The following KCNIP4 variants were observed in gnomAD, a reference collection of about 807,000 sequenced individuals.
KCNIP4 encodes the protein potassium voltage-gated channel interacting protein 4.
Under a neutral mutation model 34.0 loss-of-function variants are expected in KCNIP4, and 12 were observed. That is an observed-to-expected ratio of 0.35 (90% confidence interval 0.23 to 0.57). The LOEUF (loss-of-function observed/expected upper bound fraction) is 0.57. KCNIP4 is among the 20% of genes least tolerant of loss of function. The pLI is 0.83. For missense variants in KCNIP4, 238 were observed against 311.7 expected, an observed-to-expected ratio of 0.76 and a Z score of 1.78; for synonymous variants, 124 against 102.2, an observed-to-expected ratio of 1.21 and a Z score of -1.29.
intron 1 of KCNIP4, among the ~76,000 whole-genome samples, chr4:21,455,706 C>CT (rs200338093): frequency 2.0e-5 from 3 of 147,618 alleles, no homozygotes; most frequent in Non-Finnish European, 4.5e-5. Flanking sequence ...CTACAACACC[C>CT]TTTTTTTTCT....
intron 1 of KCNIP4, among the ~76,000 whole-genome samples, chr4:21,482,184 T>C (rs1407967286): frequency 1.3e-5 from 2 of 152,074 alleles, no homozygotes; most frequent in Non-Finnish European, 2.9e-5. Context: ...CTCCATCCCT[T>C]TATTTTGAGC....
chr4:21,458,614 A>G (rs1238460170), intron 1 of KCNIP4, among the ~76,000 whole-genome samples: 3 of 152,056 alleles, frequency 2.0e-5, no homozygotes, highest in African/African-American at 7.2e-5. Context: ...TCACACAGCC[A>G]TGATGACAGG....
In KCNIP4 at chr4:21,389,527, C is replaced by T. The variant is rs1357147196; in HGVS notation, c.62-506818G>A. The stretch of plus-strand genomic sequence containing the variant: ...TCCAAGTGTTCTTATTGTTCAATTC[C>T]CACCTATGAGTGAGAACATGCGGTG... On this transcript the variant is annotated intron_variant, in intron 1 of 8. Coordinates refer to ENST00000382152, the MANE Select transcript of KCNIP4 (RefSeq NM_025221.6). Among the ~76,000 whole-genome samples, 6 of 143,678 alleles carry T rather than the reference C, an allele frequency of 4.2e-5. No homozygotes were observed. In the South Asian group the frequency reaches 1.1e-3, roughly 27 times the overall value. The allele number at this position is 143,678 out of a possible 152,430, so 94.3% of individuals were successfully genotyped here.
At chr4:21,128,150 A>T (rs1402182181) in intron 1 of KCNIP4, among the ~76,000 whole-genome samples, 1 of 152,198 alleles carries the variant, frequency 6.6e-6, no homozygotes, top group Admixed American at 6.5e-5. Context: ...ATTACAAAGA[A>T]TTGCAAGGAG....
intron 1 of KCNIP4, among the ~76,000 whole-genome samples, chr4:21,295,331 G>A (rs1184189824): frequency 6.6e-6 from 1 of 152,162 alleles, no homozygotes; most frequent in African/African-American, 2.4e-5. Flanking sequence ...CTTGGAGTAG[G>A]CAGCTATGGT....
intron 1 of KCNIP4, among the ~76,000 whole-genome samples, chr4:21,795,741 A>T (rs1257582652): frequency 6.6e-6 from 1 of 152,142 alleles, no homozygotes; most frequent in Non-Finnish European, 1.5e-5. Context: ...GTAAATCTGC[A>T]ACTGAAACAC....
chr4:20,819,385 G>T (rs1716824645), intron 3 of KCNIP4, among the ~76,000 whole-genome samples: 1 of 152,250 alleles, frequency 6.6e-6, no homozygotes, highest in East Asian at 1.9e-4. Flanking sequence ...ATAGGGAAAT[G>T]AATAAAACAA....
At chr4:21,854,219 C>A (rs1359059014) in intron 1 of KCNIP4, among the ~76,000 whole-genome samples, 3 of 152,152 alleles carry the variant, frequency 2.0e-5, no homozygotes, top group Non-Finnish European at 4.4e-5. Context: ...AAGGGACAGA[C>A]ATAACTGCTC....
intron 1 of KCNIP4, among the ~76,000 whole-genome samples, chr4:21,065,765 T>G (rs1368647): frequency 8.7e-6 from 1 of 114,832 alleles, no homozygotes. Context: ...TATATATATA[T>G]AACTCAATTT....
intron 1 of KCNIP4, among the ~76,000 whole-genome samples, chr4:21,701,428 A>G (rs1012753497): frequency 6.6e-6 from 1 of 152,160 alleles, no homozygotes; most frequent in Admixed American, 6.5e-5. Context: ...ACAGAAAGAT[A>G]AGTAGGTGAG....
chr4:21,045,049 T>C (rs898914370), intron 1 of KCNIP4, among the ~76,000 whole-genome samples: 1 of 152,252 alleles, frequency 6.6e-6, no homozygotes, highest in Non-Finnish European at 1.5e-5. Context: ...AAGAGATGCA[T>C]GCATTCTCCA....
intron 1 of KCNIP4, among the ~76,000 whole-genome samples, chr4:21,475,991 T>C (rs570691319): frequency 6.6e-6 from 1 of 152,152 alleles, no homozygotes; most frequent in Non-Finnish European, 1.5e-5. Context: ...ACTAGTTTTC[T>C]ACAAAAGAAA....
At chr4:21,499,498 T>C (rs1185759078) in intron 1 of KCNIP4, among the ~76,000 whole-genome samples, 1 of 152,080 alleles carries the variant, frequency 6.6e-6, no homozygotes, top group East Asian at 1.9e-4. Flanking sequence ...AATGATAGCA[T>C]AAATGCTGAT....
intron 1 of KCNIP4, among the ~76,000 whole-genome samples, chr4:21,800,610 T>G (rs193162189): frequency 6.6e-6 from 1 of 152,284 alleles, no homozygotes; most frequent in East Asian, 1.9e-4. Flanking sequence ...TCCCCAATCA[T>G]GTACATTTTC....
intron 1 of KCNIP4, among the ~76,000 whole-genome samples, chr4:21,916,287 TATTAAA>T (rs1440443991): frequency 7.9e-5 from 12 of 152,364 alleles, no homozygotes; most frequent in African/African-American, 2.9e-4. Flanking sequence ...CTTATCTAGT[TATTAAA>T]ATTAAATCTC....
chr4:21,185,470 T>G (rs79434912), intron 1 of KCNIP4, among the ~76,000 whole-genome samples: 1 of 151,820 alleles, frequency 6.6e-6, no homozygotes, highest in Non-Finnish European at 1.5e-5. Flanking sequence ...CTTCTTCTTC[T>G]TCCTCCTCCT....
chr4:20,936,898 G>A (rs568989810), intron 1 of KCNIP4, among the ~76,000 whole-genome samples: 5 of 152,252 alleles, frequency 3.3e-5, no homozygotes, highest in South Asian at 2.1e-4. Context: ...GTTACTCTGC[G>A]CATCTGCCCT....
At chr4:20,790,392 T>C (rs749778283) in intron 3 of KCNIP4, among the ~76,000 whole-genome samples, 6 of 152,166 alleles carry the variant, frequency 3.9e-5, no homozygotes, top group Non-Finnish European at 5.9e-5. Flanking sequence ...ATATATATCT[T>C]CAATAACAAA....
At chr4:21,587,841 T>G (rs1741765350) in intron 1 of KCNIP4, among the ~76,000 whole-genome samples, 1 of 152,046 alleles carries the variant, frequency 6.6e-6, no homozygotes, top group African/African-American at 2.4e-5. Context: ...AATACACATC[T>G]TGCCCAAAGA....
Sources: allele counts gnomAD v4.1 joint callset (sites outside exome capture counted in the v4.1 genomes callset), GRCh38; gene constraint gnomAD v4.1.1; transcripts MANE v1.5; gene names NCBI Gene and HGNC (gene_info 2026-07-23, HGNC 2026-07-21).